ATP13A5: variants seen among roughly 807,000 people sequenced by gnomAD.
ATP13A5 encodes the protein ATPase 13A5.
In ATP13A5, 149 loss-of-function variants were observed where a neutral mutation model predicts 150.2. That is an observed-to-expected ratio of 0.99 (90% confidence interval 0.87 to 1.14). The LOEUF (loss-of-function observed/expected upper bound fraction) is 1.14. Ranked by LOEUF, ATP13A5 falls within the 50% of genes most tolerant of loss-of-function variation. ATP13A5 has a pLI of 0.00. For missense variants in ATP13A5, 1,383 were observed against 1,449.3 expected (o/e 0.95, Z 0.74); for synonymous variants, 497 against 522.2 (o/e 0.95, Z 0.66).
chr3:193,337,250 C>A (rs1711914139), intron 9 of ATP13A5, among the ~76,000 whole-genome samples: 1 of 152,190 alleles, frequency 6.6e-6, no homozygotes, highest in Non-Finnish European at 1.5e-5. Context: ...AATTAGATCT[C>A]ATTTGTCAAT....
At chr3:193,353,867 A>C (rs539761319) in intron 6 of ATP13A5, among the ~76,000 whole-genome samples, 137 of 150,194 alleles carry the variant, frequency 9.1e-4, no homozygotes, top group Non-Finnish European at 9.4e-4. Flanking sequence ...TAACCACCCC[A>C]CCACCACCAC....
At position 193,285,033 on chromosome 3, in the gene ATP13A5, G is replaced by T. The variant is rs753872592; in HGVS notation, c.3107C>A (p.Pro1036His). The change falls in exon 27 of 30, where the codon CCT becomes CAT. Residue 1036 changes from proline (P) to histidine (H), a missense_variant. Transcript: ENST00000342358. The stretch of plus-strand genomic sequence containing the variant: ...GGTCTCAAAACTTAAAATTGAACCA[G>T]GAATCAGAGTTGCATTTCCAGTCCA... ...RNWTGNATLI[P>H]GSILSFETTT... 6.2e-7 allele frequency: 1 copy of T among 1,614,076 alleles called. No homozygotes were observed. Among genetic ancestry groups the T allele is most frequent in the East Asian group, 2.2e-5 (1 of 44,862 alleles).
intron 1 of ATP13A5, among the ~76,000 whole-genome samples, chr3:193,369,585 C>T (rs1414490113): frequency 6.7e-6 from 1 of 150,126 alleles, no homozygotes; most frequent in Non-Finnish European, 1.5e-5. Flanking sequence ...GTAAAATCCA[C>T]TGAGAAATGC....
At chr3:193,297,904 C>G (rs1046802372) in intron 25 of ATP13A5, among the ~76,000 whole-genome samples, 18 of 152,116 alleles carry the variant, frequency 1.2e-4, no homozygotes, top group Admixed American at 1.2e-3. Context: ...TTTTGGATTT[C>G]TAATGACACT....
rs542149155 is a variant in ATP13A5, at chr3:193,341,001, T to C, written c.943+2926A>G. Among the ~76,000 whole-genome samples the C allele has an allele frequency of 2.6e-5, 4 of 152,304 alleles. No homozygotes were observed. In the East Asian group the frequency reaches 7.7e-4, roughly 29 times the overall value. ...TGTGCCACTTCTAAGCTGTGTGACC[T>C]TAGGCAAATTAGTTACCCTTTCTGG... On this transcript the variant is annotated intron_variant, in intron 9 of 29. Transcript: ENST00000342358.
chr3:193,285,144 A>G (rs1328507300), intron 26 of ATP13A5, 28 bp from the exon 27 acceptor site: 3 of 1,580,522 alleles, frequency 1.9e-6, no homozygotes, highest in Non-Finnish European at 1.7e-6. Context: ...GTGTTTATGA[A>G]ACATTTGATT....
chr3:193,349,133 TAC>T (rs1577364115), intron 7 of ATP13A5, among the ~76,000 whole-genome samples: 1 of 152,232 alleles, frequency 6.6e-6, no homozygotes, highest in Non-Finnish European at 1.5e-5. Context: ...AAATTGCAAA[TAC>T]ACAGTTTCAG....
chr3:193,352,672 C>T (rs138405968), intron 6 of ATP13A5, among the ~76,000 whole-genome samples: 21 of 152,042 alleles, frequency 1.4e-4, no homozygotes, highest in African/African-American at 3.6e-4. Context: ...GGAGGCAGGA[C>T]GTATATGGGA....
At chr3:193,275,569 G>A (rs1055418819) in intron 29 of ATP13A5, among the ~76,000 whole-genome samples, 1 of 151,902 alleles carries the variant, frequency 6.6e-6, no homozygotes, top group Non-Finnish European at 1.5e-5. Context: ...TTCTTAGAAT[G>A]ATTTTCCCCT....
chr3:193,334,997 C>A lies in ATP13A5; in HGVS notation c.1046G>T (p.Cys349Phe), dbSNP rs1204495339. ...CTTGACCTGGATAACTTCTGTTCCA[C>A]AGAAAAGGACGTGTTTCCTATAATC... ...LEDYRKHVLF[C>F]GTEVIQVKPS... is the part of the protein sequence containing the mutation. The change falls in exon 10 of 30, where the codon TGT becomes TTT. Residue 349 changes from cysteine (C) to phenylalanine (F), a missense_variant. Cys to Phe is a radical substitution (Grantham distance 205, BLOSUM62 -2). Transcript: ENST00000342358. The A allele has an allele frequency of 6.2e-7, 1 of 1,613,996 alleles. No homozygotes were observed. The highest frequency in any genetic ancestry group is 8.5e-7 in the Non-Finnish European group (1 of 1,179,854).
intron 9 of ATP13A5, among the ~76,000 whole-genome samples, chr3:193,336,911 T>A (rs199847691): frequency 6.6e-6 from 1 of 152,204 alleles, no homozygotes; most frequent in Admixed American, 6.5e-5. Flanking sequence ...GTTTCCTGAC[T>A]TTTTAATGAT....
chr3:193,317,001 A>G (rs1719075147), intron 17 of ATP13A5, among the ~76,000 whole-genome samples: 1 of 152,238 alleles, frequency 6.6e-6, no homozygotes, highest in East Asian at 1.9e-4. Context: ...CATAAAGCAC[A>G]GGCAACAAAA....
At chr3:193,278,797 C>T (rs1308928178) in intron 28 of ATP13A5, among the ~76,000 whole-genome samples, 4 of 152,186 alleles carry the variant, frequency 2.6e-5, no homozygotes, top group African/African-American at 9.7e-5. Context: ...CTCATCTTCA[C>T]AACAAATCTA....
chr3:193,341,531 C>T (rs964260522), intron 9 of ATP13A5, among the ~76,000 whole-genome samples: 4 of 152,092 alleles, frequency 2.6e-5, no homozygotes, highest in African/African-American at 9.7e-5. Context: ...GTGGAAACAG[C>T]GCGAACAGCA....
chr3:193,306,317 A>G (rs930734297), intron 22 of ATP13A5, among the ~76,000 whole-genome samples: 1 of 151,998 alleles, frequency 6.6e-6, no homozygotes, highest in African/African-American at 2.4e-5. Context: ...TTCTTTCTTC[A>G]TCAGACAATG....
Position 193,344,062 on chromosome 3 carries a change from CA to C in ATP13A5, c.815-8del. 1 of 1,610,574 alleles carries C rather than the reference CA, an allele frequency of 6.2e-7. No homozygotes were observed. The highest frequency in any genetic ancestry group is 2.2e-5 in the East Asian group (1 of 44,778). ...GATTCCAGCTCCTCCAAACCTACAC[CA>C]AAGCAAAGTTTCCATGAATAGCTGA... On this transcript the variant is annotated splice_polypyrimidine_tract_variant and splice_region_variant and intron_variant, in intron 8 of 29. Transcript: ENST00000342358.
At chr3:193,328,182 G>C (rs1317715450) in intron 12 of ATP13A5, among the ~76,000 whole-genome samples, 3 of 152,190 alleles carry the variant, frequency 2.0e-5, no homozygotes, top group Non-Finnish European at 4.4e-5. Context: ...CCCTTCTGGA[G>C]TCTTCCTCCA....
intron 27 of ATP13A5, among the ~76,000 whole-genome samples, chr3:193,284,034 T>TATTA (rs397831593): frequency 7.2e-6 from 1 of 138,606 alleles, no homozygotes; most frequent in African/African-American, 2.7e-5. Flanking sequence ...TTATTATTAT[T>TATTA]TTTTGAGACA....
At chr3:193,360,498 C>T (rs1712962372) in intron 5 of ATP13A5, among the ~76,000 whole-genome samples, 1 of 152,080 alleles carries the variant, frequency 6.6e-6, no homozygotes, top group African/African-American at 2.4e-5. Flanking sequence ...TTTTTAAAGG[C>T]CTTGGTCTTA....
Sources: allele counts gnomAD v4.1 joint callset (sites outside exome capture counted in the v4.1 genomes callset), GRCh38; gene constraint gnomAD v4.1.1; transcripts MANE v1.5; gene names NCBI Gene and HGNC (gene_info 2026-07-23, HGNC 2026-07-21).